MTMR7: variants seen among roughly 807,000 people sequenced by gnomAD.
The protein encoded by MTMR7 is phosphatidylinositol-3-phosphate phosphatase MTMR7.
In MTMR7, 76 loss-of-function variants were observed where a neutral mutation model predicts 81.2. The ratio of observed to expected loss-of-function variants is 0.94; its 90% CI spans 0.78 to 1.13. The LOEUF (loss-of-function observed/expected upper bound fraction) is 1.13, where lower values mean the gene tolerates loss of function less well. Among genes scored for constraint, MTMR7 ranks in the 50% most tolerant of loss-of-function variants. The pLI, the probability that MTMR7 is intolerant of heterozygous loss-of-function variation, is 0.00. For synonymous variants in MTMR7, 372 were observed against 289.8 expected (o/e 1.28, Z -2.88); for missense variants, 1,044 against 820.0 (o/e 1.27, Z -3.34).
rs113363793 is a variant in MTMR7, at chr8:17,412,946, G to A, written c.24+323C>T. On this transcript the variant is annotated intron_variant, in intron 1 of 13. Transcript: ENST00000180173. ...CAACAGCTAAAAGAGAAAGCCTCGT[G>A]CCAGGAGAAAGAAGGGTTGATCTAC... Among the ~76,000 whole-genome samples the A allele has an allele frequency of 9.2e-3, 1,321 of 144,078 alleles. 7 individuals are homozygous for A. The highest frequency in any genetic ancestry group is 0.016 in the Non-Finnish European group (1,027 of 64,762). 94.5% of individuals were successfully genotyped at this position (144,078 alleles called of 152,430 possible). A position where few individuals can be genotyped will look rare whatever the true frequency, so the allele number is the denominator to read the frequency against.
At chr8:17,321,916 A>G (rs1274743883) in intron 7 of MTMR7, among the ~76,000 whole-genome samples, 1 of 152,222 alleles carries the variant, frequency 6.6e-6, no homozygotes, top group Non-Finnish European at 1.5e-5. Flanking sequence ...CAAATGTGGA[A>G]TTTACTTAGA....
intron 7 of MTMR7, among the ~76,000 whole-genome samples, chr8:17,328,739 G>A (rs1479815959): frequency 3.3e-5 from 5 of 152,086 alleles, no homozygotes; most frequent in Admixed American, 1.3e-4. Flanking sequence ...AGAAAATACA[G>A]GGTATCCTCT....
intron 8 of MTMR7, 27 bp downstream of exon 8, chr8:17,313,265 T>G: frequency 6.5e-7 from 1 of 1,543,842 alleles, no homozygotes; most frequent in Non-Finnish European, 8.9e-7. Context: ...ATCTGTCCCT[T>G]AATTTATTTT....
intron 2 of MTMR7, 111 bp downstream of exon 2, chr8:17,373,007 T>G: frequency 7.6e-7 from 1 of 1,319,018 alleles, no homozygotes; most frequent in Non-Finnish European, 1.0e-6. Flanking sequence ...TTCCCCAACA[T>G]CCAGGCACAA....
chr8:17,307,778 T>A (rs1817551446), intron 10 of MTMR7, among the ~76,000 whole-genome samples: 4 of 151,080 alleles, frequency 2.6e-5, no homozygotes, highest in Non-Finnish European at 5.9e-5. Context: ...CAGCAAACTA[T>A]CGCAAGGACA....
At position 17,298,590 on chromosome 8, in the gene MTMR7, TAAATTA is replaced by T. The variant is rs1452063751; in HGVS notation, c.*1266_*1271del. 6.6e-6 allele frequency: 1 copy of T among 152,604 alleles called. No individual in the cohort carries two copies. Among genetic ancestry groups the T allele is most frequent in the African/African-American group, 2.4e-5 (1 of 41,464 alleles). The allele number at this position is 152,604 out of a possible 1,614,324, so 9.5% of individuals were successfully genotyped here. On this transcript the variant is annotated 3_prime_UTR_variant, in exon 14 of 14. Transcript: ENST00000180173. Reference sequence around the variant, plus strand: ...AAATATTGATGTAAATTGTAAAGTTTAAATTAATCCTTTCACATATTCAAAATATTG... The same window carrying T: ...AAATATTGATGTAAATTGTAAAGTTTATCCTTTCACATATTCAAAATATTG...
chr8:17,307,580 T>C (rs925839325), intron 10 of MTMR7, among the ~76,000 whole-genome samples: 4 of 152,172 alleles, frequency 2.6e-5, no homozygotes, highest in Admixed American at 6.5e-5. Context: ...TAAAGACACA[T>C]GCACATGAAT....
At chr8:17,403,686 T>C (rs963235428) in intron 1 of MTMR7, among the ~76,000 whole-genome samples, 1 of 152,244 alleles carries the variant, frequency 6.6e-6, no homozygotes, top group Non-Finnish European at 1.5e-5. Context: ...ACAATATTTA[T>C]TCTTCCAATC....
At chr8:17,352,378 C>T (rs1224037526) in intron 4 of MTMR7, among the ~76,000 whole-genome samples, 1 of 152,068 alleles carries the variant, frequency 6.6e-6, no homozygotes, top group Admixed American at 6.6e-5. Flanking sequence ...ACTGGGAAAA[C>T]TAGATACCCA....
At chr8:17,306,018 A>AC in intron 10 of MTMR7, 61 bp from the exon 11 acceptor site, 1 of 1,396,532 alleles carries the variant, frequency 7.2e-7, no homozygotes, top group Non-Finnish European at 9.8e-7. Context: ...ACAAAGCCAT[A>AC]AATGCAAAAA....
At chr8:17,315,279 T>A (rs1818003725) in intron 7 of MTMR7, among the ~76,000 whole-genome samples, 1 of 152,112 alleles carries the variant, frequency 6.6e-6, no homozygotes, top group South Asian at 2.1e-4. Context: ...CTATATGACC[T>A]CCTAGAAAAG....
intron 1 of MTMR7, among the ~76,000 whole-genome samples, chr8:17,379,330 T>C (rs561459296): frequency 6.6e-6 from 1 of 152,202 alleles, no homozygotes; most frequent in South Asian, 2.1e-4. Flanking sequence ...CAGAAGCAGA[T>C]AGTCTGACCA....
intron 7 of MTMR7, among the ~76,000 whole-genome samples, chr8:17,314,335 C>G (rs576996661): frequency 6.6e-6 from 1 of 152,136 alleles, no homozygotes; most frequent in South Asian, 2.1e-4. Flanking sequence ...GAAAAGGGAG[C>G]CCATTTTTCT....
At chr8:17,403,848 G>T (rs965932308) in intron 1 of MTMR7, among the ~76,000 whole-genome samples, 7 of 152,086 alleles carry the variant, frequency 4.6e-5, no homozygotes, top group African/African-American at 1.4e-4. Flanking sequence ...AAATAGGATT[G>T]GTCTCTTGAT....
chr8:17,313,999 G>A (rs569831342), intron 7 of MTMR7, among the ~76,000 whole-genome samples: 1 of 152,308 alleles, frequency 6.6e-6, no homozygotes, highest in South Asian at 2.1e-4. Context: ...TCAGGGTAGA[G>A]GCTTTCCCTT....
At position 17,336,433 on chromosome 8, in the gene MTMR7, G is replaced by A. The variant is rs1314795190; in HGVS notation, c.732+4930C>T. Reference sequence around the variant, plus strand: ...CCTCGCCCCAGTTCTCTTCACTCTGGTTGCTGCCATGACGGCCACCAGCAA... The same window carrying A: ...CCTCGCCCCAGTTCTCTTCACTCTGATTGCTGCCATGACGGCCACCAGCAA... On this transcript the variant is annotated intron_variant, in intron 6 of 13. Transcript: ENST00000180173. Among the ~76,000 whole-genome samples, 3 of 152,134 alleles carry A rather than the reference G, an allele frequency of 2.0e-5. No homozygotes were observed. In the East Asian group the frequency reaches 5.8e-4, roughly 30 times the overall value.
chr8:17,376,006 T>G (rs1014394675), intron 1 of MTMR7, among the ~76,000 whole-genome samples: 1 of 152,144 alleles, frequency 6.6e-6, no homozygotes, highest in African/African-American at 2.4e-5. Flanking sequence ...GTGCAAACAT[T>G]AACGCACTAT....
At chr8:17,330,032 C>A (rs919252764) in intron 7 of MTMR7, among the ~76,000 whole-genome samples, 1 of 152,190 alleles carries the variant, frequency 6.6e-6, no homozygotes, top group Non-Finnish European at 1.5e-5. Context: ...TGTCATTCTG[C>A]AGCAGGTAAT....
chr8:17,401,232 G>C (rs146086252), intron 1 of MTMR7, among the ~76,000 whole-genome samples: 486 of 152,152 alleles, frequency 3.2e-3, no homozygotes, highest in African/African-American at 0.011. Context: ...ATGATAAATT[G>C]GCTTTCTTGA....
Sources: gnomAD v4.1 joint callset for allele counts (sites outside exome capture counted in the v4.1 genomes callset) on GRCh38, gnomAD v4.1.1 for gene constraint, MANE v1.5 for transcripts, NCBI Gene and HGNC (gene_info 2026-07-23, HGNC 2026-07-21) for gene names.